ATP13A5: variants seen among roughly 807,000 people sequenced by gnomAD.
ATP13A5 encodes the protein ATPase 13A5, also known as probable cation-transporting ATPase 13A5.
ATP13A5 carries 149 observed loss-of-function variants against 150.2 expected under a neutral mutation model. That is an observed-to-expected ratio of 0.99 (90% CI 0.87 to 1.14). The LOEUF (loss-of-function observed/expected upper bound fraction) is 1.14, where lower values mean the gene tolerates loss of function less well. Ranked by LOEUF, ATP13A5 falls within the 50% of genes most tolerant of loss-of-function variation. The pLI, the probability that ATP13A5 is intolerant of heterozygous loss-of-function variation, is 0.00. For missense variants in ATP13A5, 1,383 were observed against 1,449.3 expected, an observed-to-expected ratio of 0.95 and a Z score of 0.74; for synonymous variants, 497 against 522.2, an observed-to-expected ratio of 0.95 and a Z score of 0.66.
intron 26 of ATP13A5, among the ~76,000 whole-genome samples, chr3:193,287,993 G>T (rs773606793): frequency 2.6e-5 from 4 of 152,280 alleles, no homozygotes; most frequent in Admixed American, 6.5e-5. Flanking sequence ...GGTGGAGGAT[G>T]TAACTGTAGA....
At chr3:193,346,448 G>A (rs774322129) in intron 7 of ATP13A5, among the ~76,000 whole-genome samples, 5 of 152,124 alleles carry the variant, frequency 3.3e-5, no homozygotes, top group Admixed American at 1.3e-4. Flanking sequence ...CAACATCAGC[G>A]AGAGAAAGTT....
At chr3:193,358,729 C>T (rs1288430368) in intron 5 of ATP13A5, among the ~76,000 whole-genome samples, 3 of 152,102 alleles carry the variant, frequency 2.0e-5, no homozygotes, top group Non-Finnish European at 4.4e-5. Flanking sequence ...GACTTCAAGC[C>T]CTCCATGTGA....
chr3:193,293,808 A>G (rs1420911989), intron 25 of ATP13A5, among the ~76,000 whole-genome samples: 1 of 152,114 alleles, frequency 6.6e-6, no homozygotes, highest in African/African-American at 2.4e-5. Flanking sequence ...TAAGGGGACC[A>G]AGACCCAGAA....
At chr3:193,278,775 G>A (rs954930303) in intron 28 of ATP13A5, among the ~76,000 whole-genome samples, 6 of 152,102 alleles carry the variant, frequency 3.9e-5, no homozygotes, top group South Asian at 4.1e-4. Flanking sequence ...CTCAGGTAGC[G>A]TTCAAGTATG....
intron 1 of ATP13A5, among the ~76,000 whole-genome samples, chr3:193,371,950 A>T (rs183847158): frequency 3.2e-4 from 49 of 152,244 alleles, no homozygotes; most frequent in Admixed American, 7.8e-4. Flanking sequence ...AGAGGGGATT[A>T]TACAACAGGA....
chr3:193,369,517 T>C (rs1410630378), intron 1 of ATP13A5, among the ~76,000 whole-genome samples: 1 of 152,184 alleles, frequency 6.6e-6, no homozygotes, highest in African/African-American at 2.4e-5. Context: ...TATAAATGAT[T>C]ATTCTTCTGA....
chr3:193,376,733 TC>T (rs1713658268), intron 1 of ATP13A5, among the ~76,000 whole-genome samples: 1 of 152,122 alleles, frequency 6.6e-6, no homozygotes, highest in South Asian at 2.1e-4. Flanking sequence ...TATGTGTTGT[TC>T]CCCATCCGGC....
Position 193,284,885 on chromosome 3 carries a change from G to C in ATP13A5, c.3226+29C>G, listed in dbSNP as rs375351898. On this transcript the variant is annotated intron_variant, in intron 27 of 29. Transcript: ENST00000342358. ...GAGAAAGGGAATGGGAAAATATTCA[G>C]AAAGAAAAATTAAACTTTATATACT... The C allele has an allele frequency of 5.7e-4, 889 of 1,560,794 alleles. 18 individuals are homozygous for C. In the South Asian group the frequency reaches 8.6e-3, roughly 15 times the overall value.
intron 29 of ATP13A5, 124 bp downstream of exon 29, chr3:193,276,626 T>G (rs1717215374): frequency 3.0e-6 from 2 of 671,340 alleles, no homozygotes; most frequent in Admixed American, 6.2e-5. Context: ...TGTACCATTT[T>G]AATAAACCCT....
In ATP13A5 at chr3:193,344,990, A is replaced by T. The variant is rs756796276; in HGVS notation, c.814+13T>A. On this transcript the variant is annotated intron_variant, in intron 8 of 29. Transcript: ENST00000342358. Reference sequence around the variant, plus strand: ...ATATTAAGATGCTGAAGATGGCCTAACACATCACTTACCTTTGTCTTTTAC... The same window carrying T: ...ATATTAAGATGCTGAAGATGGCCTATCACATCACTTACCTTTGTCTTTTAC... 10 of 1,609,732 alleles carry T rather than the reference A, an allele frequency of 6.2e-6. No individual in the cohort carries two copies. The highest frequency in any genetic ancestry group is 6.8e-6 in the Non-Finnish European group (8 of 1,176,132).
At position 193,363,276 on chromosome 3, in the gene ATP13A5, T is replaced by C; in HGVS notation, c.344A>G (p.His115Arg). Residue 115 changes from histidine (H) to arginine (R), a missense_variant, in exon 3 of 30, where the codon CAC becomes CGC. His to Arg is a conservative substitution (Grantham distance 29). Transcript: ENST00000342358. Reference sequence around the variant, plus strand: ...TATTAAGGCTTGGTTTATGACAGAGTGGCGGTCAGCCACCAGGGATTCTTC... The same window carrying C: ...TATTAAGGCTTGGTTTATGACAGAGCGGCGGTCAGCCACCAGGGATTCTTC... ...KWEESLVADR[H>R]SVINQALIKP... 6.2e-7 allele frequency: 1 copy of C among 1,613,918 alleles called. No individual in the cohort carries two copies. The highest frequency in any genetic ancestry group is 8.5e-7 in the Non-Finnish European group (1 of 1,179,818).
chr3:193,307,343 C>G lies in ATP13A5; in HGVS notation c.2552G>C (p.Gly851Ala). Reference sequence around the variant, plus strand: ...TCTACTCACCCCACAGTCGTTAGCTCCATCTCCACACATGCCCACATAATA... The same window carrying G: ...TCTACTCACCCCACAGTCGTTAGCTGCATCTCCACACATGCCCACATAATA... ...LNYYVGMCGD[G>A]ANDCGALKAA... Residue 851 changes from glycine (G) to alanine (A), a missense_variant, in exon 22 of 30, where the codon GGA becomes GCA. This residue lies in a region of ATP13A5 where 568 missense variants were observed against 621.5 expected (regional missense o/e 0.91). Transcript: ENST00000342358. The G allele has an allele frequency of 6.2e-7, 1 of 1,613,840 alleles. No homozygotes were observed. The highest frequency in any genetic ancestry group is 8.5e-7 in the Non-Finnish European group (1 of 1,179,864).
At chr3:193,315,741 G>A (rs185162419) in intron 17 of ATP13A5, among the ~76,000 whole-genome samples, 18 of 152,220 alleles carry the variant, frequency 1.2e-4, no homozygotes, top group South Asian at 4.1e-4. Context: ...TCATTTTGCT[G>A]TGCACCGTGG....
At chr3:193,341,458 G>A (rs1449512188) in intron 9 of ATP13A5, among the ~76,000 whole-genome samples, 1 of 152,198 alleles carries the variant, frequency 6.6e-6, no homozygotes, top group East Asian at 1.9e-4. Flanking sequence ...GGACTTAGAT[G>A]TGGTGTGTCC....
At chr3:193,332,650 T>A (rs965163431) in intron 11 of ATP13A5, among the ~76,000 whole-genome samples, 2 of 152,160 alleles carry the variant, frequency 1.3e-5, no homozygotes, top group African/African-American at 4.8e-5. Context: ...CAAAATTCAT[T>A]ACTCCCTTCT....
At chr3:193,337,306 G>C (rs543251350) in intron 9 of ATP13A5, among the ~76,000 whole-genome samples, 4 of 152,040 alleles carry the variant, frequency 2.6e-5, no homozygotes, top group African/African-American at 4.8e-5. Context: ...ACATGAAGTC[G>C]TTGCCCATGC....
At chr3:193,370,546 T>C (rs1393630532) in intron 1 of ATP13A5, among the ~76,000 whole-genome samples, 4 of 152,192 alleles carry the variant, frequency 2.6e-5, no homozygotes, top group Non-Finnish European at 4.4e-5. Flanking sequence ...TATATAAGAC[T>C]TTGGCAACCC....
intron 29 of ATP13A5, among the ~76,000 whole-genome samples, chr3:193,276,121 T>A (rs189409797): frequency 6.6e-6 from 1 of 152,276 alleles, no homozygotes; most frequent in South Asian, 2.1e-4. Flanking sequence ...TTTAAACATA[T>A]ATAATGAGGT....
At chr3:193,307,568 T>C (rs1718667575) in intron 21 of ATP13A5, among the ~76,000 whole-genome samples, 199 bp from the exon 22 acceptor site, 1 of 152,198 alleles carries the variant, frequency 6.6e-6, no homozygotes, top group Non-Finnish European at 1.5e-5. Context: ...TTAAGTTGTT[T>C]CAATCAATCA....
Sources: allele counts gnomAD v4.1 joint callset (sites outside exome capture counted in the v4.1 genomes callset), GRCh38; gene constraint gnomAD v4.1.1; regional missense constraint gnomAD v4.1.1; transcripts MANE v1.5; gene names NCBI Gene and HGNC (gene_info 2026-07-23, HGNC 2026-07-21).